The following C2CD2 variants were observed in gnomAD, a reference collection of about 807,000 sequenced individuals.
The protein encoded by C2CD2 is C2 domain-containing protein 2.
In C2CD2, 43 loss-of-function variants were observed where a neutral mutation model predicts 74.3. That is an observed-to-expected ratio of 0.58 (90% CI 0.45 to 0.75). The LOEUF is 0.75. Among genes scored for constraint, C2CD2 ranks in the 30% least tolerant of loss-of-function variants. The pLI, the probability that C2CD2 is intolerant of heterozygous loss-of-function variation, is 0.00. For missense variants in C2CD2, 801 were observed against 916.3 expected, an observed-to-expected ratio of 0.87 and a Z score of 1.63; for synonymous variants, 422 against 390.7, an observed-to-expected ratio of 1.08 and a Z score of -0.94.
At chr21:41,922,423 C>T (rs1425171486) in intron 2 of C2CD2, among the ~76,000 whole-genome samples, 1 of 151,854 alleles carries the variant, frequency 6.6e-6, no homozygotes, top group East Asian at 1.9e-4. Flanking sequence ...CCTTGGCCTC[C>T]CAAAGTGCTG....
chr21:41,904,789 C>A (rs1451241043), intron 11 of C2CD2, among the ~76,000 whole-genome samples: 2 of 152,198 alleles, frequency 1.3e-5, no homozygotes, highest in African/African-American at 4.8e-5. Context: ...AGGTCAGACA[C>A]AGGACTCAGC....
intron 8 of C2CD2, chr21:41,908,577 T>G (rs2064992740): frequency 6.6e-6 from 1 of 152,080 alleles, no homozygotes; most frequent in Non-Finnish European, 1.5e-5. Context: ...CTCACGGGCA[T>G]CCCAGTTTTC....
chr21:41,930,982 T>C (rs1035654178), intron 2 of C2CD2, among the ~76,000 whole-genome samples: 1 of 150,122 alleles, frequency 6.7e-6, no homozygotes, highest in Non-Finnish European at 1.5e-5. Context: ...AATAGGAATT[T>C]CCTCCTTCTA....
chr21:41,911,077 T>C (rs950590897), intron 7 of C2CD2, among the ~76,000 whole-genome samples: 2 of 152,230 alleles, frequency 1.3e-5, no homozygotes, highest in Admixed American at 1.3e-4. Flanking sequence ...ATTTTTAAAA[T>C]CTTATTAAAG....
intron 3 of C2CD2, 33 bp downstream of exon 3, chr21:41,921,939 G>C: frequency 7.6e-7 from 1 of 1,316,880 alleles, no homozygotes; most frequent in Non-Finnish European, 1.1e-6. Context: ...ACTGTGACGG[G>C]TCTCATAACT....
At chr21:41,932,943 G>A (rs1403303173) in intron 2 of C2CD2, among the ~76,000 whole-genome samples, 1 of 150,376 alleles carries the variant, frequency 6.6e-6, no homozygotes, top group African/African-American at 2.4e-5. Flanking sequence ...GGACCCACAG[G>A]GAGACTCCAG....
At chr21:41,943,432 G>A (rs73904789) in intron 1 of C2CD2, among the ~76,000 whole-genome samples, 1,937 of 152,282 alleles carry the variant, frequency 0.013, 33 homozygotes, top group African/African-American at 0.044. Flanking sequence ...TCTAGCTCTC[G>A]AGAGGCCAAA....
At position 41,892,640 on chromosome 21, in the gene C2CD2, T is replaced by G. The variant is rs1406279596; in HGVS notation, c.1871-3296A>C. Among the ~76,000 whole-genome samples, 1 of 151,282 alleles carries G rather than the reference T, an allele frequency of 6.6e-6. No homozygotes were observed. The highest frequency in any genetic ancestry group is 1.5e-5 in the Non-Finnish European group (1 of 67,742). On this transcript the variant is annotated intron_variant, in intron 13 of 13. Transcript: ENST00000380486. The surrounding 1 kb of genome is among the most constrained non-coding windows in gnomAD (Gnocchi z 4.6). The stretch of plus-strand genomic sequence containing the variant: ...CCTGGAGAATCTGGCATGATGGGGG[T>G]CTGGGGACACTGGGCATGAGCATTT...
Position 41,899,088 on chromosome 21 carries a change from C to G in C2CD2, c.1835G>C (p.Ser612Thr), listed in dbSNP as rs1363837192. 2 of 1,613,818 alleles carry G rather than the reference C, an allele frequency of 1.2e-6. No individual in the cohort carries two copies. Among genetic ancestry groups the G allele is most frequent in the Non-Finnish European group, 1.7e-6 (2 of 1,179,946 alleles). ...TTTGGCAGTGCCCGGCTCCAAGACA[C>G]TCATGGAGCTCTCTGACAGCTCATC... ...DGDELSESSM[S>T]VLEPGTAKKH... The change falls in exon 13 of 14, where the codon AGT becomes ACT. Residue 612 changes from serine (S) to threonine (T), a missense_variant. Ser to Thr is a moderately conservative substitution (Grantham distance 58). Coordinates refer to ENST00000380486, the MANE Select transcript of C2CD2 (RefSeq NM_015500.2). This position sits in a 1 kb window ranked among gnomAD's most constrained non-coding sequence, Gnocchi z 4.4.
rs1355912909 is a variant in C2CD2, at chr21:41,903,185, G to A, written c.1433-1436C>T. Among the ~76,000 whole-genome samples the A allele has an allele frequency of 1.3e-5, 2 of 152,108 alleles. No homozygotes were observed. Among genetic ancestry groups the A allele is most frequent in the African/African-American group, 4.8e-5 (2 of 41,430 alleles). ...AGGACCCTCCCAGACTGTGCCCTGA[G>A]CCCCTTCATCTGGCTGTGCATTTGT... On this transcript the variant is annotated intron_variant, in intron 11 of 13. Transcript: ENST00000380486. This position sits in a 1 kb window ranked among gnomAD's most constrained non-coding sequence, Gnocchi z 4.5.
intron 11 of C2CD2, among the ~76,000 whole-genome samples, chr21:41,905,032 T>C (rs2146161281): frequency 6.6e-6 from 1 of 152,286 alleles, no homozygotes; most frequent in Admixed American, 6.5e-5. Flanking sequence ...TCTACTAAGC[T>C]GGTGTAAGCA....
intron 13 of C2CD2, among the ~76,000 whole-genome samples, chr21:41,889,635 TTC>T (rs1235370437): frequency 9.2e-6 from 1 of 108,526 alleles, no homozygotes; most frequent in East Asian, 3.4e-4. Flanking sequence ...TGAATTTTTT[TTC>T]TTTTTTTTTT....
intron 1 of C2CD2, among the ~76,000 whole-genome samples, chr21:41,951,216 C>T (rs1041099137): frequency 1.5e-4 from 23 of 152,190 alleles, no homozygotes; most frequent in African/African-American, 2.7e-4. Flanking sequence ...ATCACTGACA[C>T]GGCAGCGACG....
intron 1 of C2CD2, among the ~76,000 whole-genome samples, chr21:41,950,254 C>A (rs1165511334): frequency 6.6e-6 from 1 of 152,186 alleles, no homozygotes; most frequent in African/African-American, 2.4e-5. Flanking sequence ...GCTCCCCAAG[C>A]CTACTGAGGC....
At position 41,888,968 on chromosome 21, in the gene C2CD2, C is replaced by A. The variant is rs1204723127; in HGVS notation, c.*156G>T. ...GGGAGAAGCCTCCTGGCTGGAGACT[C>A]AGATTTTGTTTTCCCTTTAAATGAC... On this transcript the variant is annotated 3_prime_UTR_variant, in exon 14 of 14. Coordinates refer to ENST00000380486, the MANE Select transcript of C2CD2 (RefSeq NM_015500.2). 2.5e-5 allele frequency: 16 copies of A among 645,274 alleles called. No homozygotes were observed. The Admixed American group carries it at 4.3e-4, about 17-fold the overall frequency. The allele number at this position is 645,274 out of a possible 1,614,324, so 40.0% of individuals were successfully genotyped here.
At chr21:41,909,671 G>T (rs907055015) in intron 7 of C2CD2, 148 bp from the exon 8 acceptor site, 46 of 667,898 alleles carry the variant, frequency 6.9e-5, no homozygotes, top group Non-Finnish European at 1.1e-4. Flanking sequence ...AAAAGGGAAA[G>T]AGTTATCTGC....
intron 1 of C2CD2, among the ~76,000 whole-genome samples, chr21:41,948,480 GC>G (rs1030345110): frequency 5.9e-5 from 9 of 152,312 alleles, no homozygotes; most frequent in African/African-American, 1.9e-4. Context: ...AGTTAAATAA[GC>G]AGGAAAAAAG....
chr21:41,924,235 C>G lies in C2CD2; in HGVS notation c.379-2150G>C, dbSNP rs188743250. ...TTTCTCATCTGCTGGCTCCTGGCCG[C>G]AGCCAAGCCCTGGGTCCAGCTCTTC... On this transcript the variant is annotated intron_variant, in intron 2 of 13. Transcript: ENST00000380486. The surrounding 1 kb of genome is among the most constrained non-coding windows in gnomAD (Gnocchi z 4.4). 6.6e-6 allele frequency among the ~76,000 whole-genome samples: 1 copy of G among 152,224 alleles called. No individual in the cohort carries two copies. The highest frequency in any genetic ancestry group is 2.4e-5 in the African/African-American group (1 of 41,442).
intron 2 of C2CD2, among the ~76,000 whole-genome samples, chr21:41,937,664 AC>A (rs1292911473): frequency 1.3e-5 from 2 of 152,250 alleles, no homozygotes; most frequent in Non-Finnish European, 2.9e-5. Flanking sequence ...TTGAAAAGAT[AC>A]CCAGAGCATT....
Sources: allele counts gnomAD v4.1 joint callset (sites outside exome capture counted in the v4.1 genomes callset), GRCh38; gene constraint gnomAD v4.1.1; non-coding constraint Gnocchi (gnomAD v3.1); transcripts MANE v1.5; gene names NCBI Gene and HGNC (gene_info 2026-07-23, HGNC 2026-07-21).